Variants in LEKR1 observed in about 807,000 individuals in gnomAD.
The protein encoded by LEKR1 is protein LEKR1.
In LEKR1, 59 loss-of-function variants were observed where a neutral mutation model predicts 72.4. The observed-to-expected ratio is 0.82, with a 90% confidence interval of 0.66 to 1.01. LEKR1 has a LOEUF of 1.01. LEKR1 is among the 50% of genes least tolerant of loss of function. The pLI, the probability that LEKR1 is intolerant of heterozygous loss-of-function variation, is 0.00. For synonymous variants in LEKR1, 257 were observed against 263.2 expected (o/e 0.98, Z 0.23); for missense variants, 728 against 759.2 (o/e 0.96, Z 0.48).
At chr3:156,928,868 A>G (rs1053174563) in intron 5 of LEKR1, among the ~76,000 whole-genome samples, 3 of 152,066 alleles carry the variant, frequency 2.0e-5, no homozygotes, top group Non-Finnish European at 4.4e-5. Context: ...ACAAGAAAAA[A>G]ATAAATACTC....
intron 6 of LEKR1, among the ~76,000 whole-genome samples, chr3:156,955,925 GT>G (rs1191368964): frequency 6.7e-6 from 1 of 148,422 alleles, no homozygotes; most frequent in African/African-American, 2.5e-5. Flanking sequence ...AATAAGGAAT[GT>G]TGGGAAAAGG....
At chr3:156,853,470 T>C (rs1715646862) in intron 3 of LEKR1, 1 of 152,586 alleles carries the variant, frequency 6.6e-6, no homozygotes, top group Non-Finnish European at 1.5e-5. Flanking sequence ...TTGTAGAATC[T>C]AATCAGCAAT....
intron 12 of LEKR1, among the ~76,000 whole-genome samples, chr3:157,043,952 G>T (rs931283745): frequency 1.3e-5 from 2 of 152,180 alleles, no homozygotes; most frequent in Admixed American, 1.3e-4. Flanking sequence ...TGTGCAACTG[G>T]CTAATCTGGA....
intron 3 of LEKR1, among the ~76,000 whole-genome samples, chr3:156,854,728 T>G (rs1182260160): frequency 6.6e-6 from 1 of 151,584 alleles, no homozygotes; most frequent in Non-Finnish European, 1.5e-5. Context: ...TTGTAGTTTT[T>G]TTTTTTCTAG....
chr3:157,028,032 TA>T, intron 11 of LEKR1, 70 bp from the exon 12 acceptor site: 3 of 1,085,188 alleles, frequency 2.8e-6, no homozygotes, highest in Admixed American at 2.4e-5. Flanking sequence ...ATAAACCTCT[TA>T]AAAACCATAA....
chr3:156,857,753 T>A (rs1191474877), intron 3 of LEKR1, among the ~76,000 whole-genome samples: 1 of 152,224 alleles, frequency 6.6e-6, no homozygotes, highest in Non-Finnish European at 1.5e-5. Context: ...GTGAAATAGT[T>A]TATGAAGAGC....
At chr3:156,979,811 A>G (rs1272691711) in intron 7 of LEKR1, 1 of 152,208 alleles carries the variant, frequency 6.6e-6, no homozygotes, top group African/African-American at 2.4e-5. Flanking sequence ...TTAAAAATTA[A>G]TTTTCAGCCT....
At chr3:156,841,924 G>A (rs1395277926) in intron 2 of LEKR1, among the ~76,000 whole-genome samples, 1 of 151,760 alleles carries the variant, frequency 6.6e-6, no homozygotes, top group African/African-American at 2.4e-5. Context: ...CGAGGTGAGT[G>A]GCAAGCCAGT....
Position 156,875,721 on chromosome 3 carries a change from C to T in LEKR1, c.263+22739C>T, listed in dbSNP as rs558627902. On this transcript the variant is annotated intron_variant, in intron 3 of 12. Transcript: ENST00000356539. ...TTGTAAAGGTAAGAAATGAGCCGGG[C>T]GTGGTGGCTCACGCCTGTAATCCCA... Among the ~76,000 whole-genome samples the T allele has an allele frequency of 1.2e-4, 18 of 152,066 alleles. No homozygotes were observed. The South Asian group carries it at 3.1e-3, about 26-fold the overall frequency.
At chr3:156,932,802 A>G (rs4283532) in intron 5 of LEKR1, among the ~76,000 whole-genome samples, 131,341 of 151,318 alleles carry the variant, frequency 0.87, 57,305 homozygotes, top group African/African-American at 0.96. Context: ...AGGCCGCGGC[A>G]GGCGGATCCC....
intron 3 of LEKR1, among the ~76,000 whole-genome samples, chr3:156,918,347 T>C (rs1420409046): frequency 1.3e-5 from 2 of 152,176 alleles, no homozygotes; most frequent in Non-Finnish European, 1.5e-5. Flanking sequence ...CATGTGCAGC[T>C]AAGTATGGCC....
chr3:156,844,219 T>C (rs537351296), intron 2 of LEKR1, among the ~76,000 whole-genome samples: 2 of 152,248 alleles, frequency 1.3e-5, no homozygotes, highest in East Asian at 3.9e-4. Flanking sequence ...CAATAACATG[T>C]CTTTATGGAT....
intron 5 of LEKR1, among the ~76,000 whole-genome samples, chr3:156,930,536 T>C (rs1725125655): frequency 1.3e-5 from 2 of 152,144 alleles, no homozygotes; most frequent in African/African-American, 4.8e-5. Context: ...AAATTAAGTA[T>C]GTATATTATA....
chr3:157,039,253 T>A (rs1028446179), intron 12 of LEKR1, among the ~76,000 whole-genome samples: 2 of 152,204 alleles, frequency 1.3e-5, no homozygotes, highest in Non-Finnish European at 2.9e-5. Flanking sequence ...ATTTTTAACA[T>A]TTTGGTGTTT....
At chr3:156,994,603 T>A (rs1251291547) in intron 9 of LEKR1, among the ~76,000 whole-genome samples, 1 of 152,138 alleles carries the variant, frequency 6.6e-6, no homozygotes, top group African/African-American at 2.4e-5. Flanking sequence ...AGAGCCAGGC[T>A]TATTAATAAA....
At chr3:156,931,911 A>C (rs888883393) in intron 5 of LEKR1, among the ~76,000 whole-genome samples, 2 of 152,180 alleles carry the variant, frequency 1.3e-5, no homozygotes, top group African/African-American at 4.8e-5. Flanking sequence ...TTTTTATTAC[A>C]TAGTGGATGC....
intron 6 of LEKR1, among the ~76,000 whole-genome samples, chr3:156,970,298 A>C (rs535321643): frequency 6.0e-4 from 91 of 152,342 alleles, no homozygotes; most frequent in African/African-American, 2.1e-3. Context: ...AAGGAAATAA[A>C]GGGTATTCAA....
At chr3:156,877,380 C>A (rs1002363808) in intron 3 of LEKR1, among the ~76,000 whole-genome samples, 1 of 151,650 alleles carries the variant, frequency 6.6e-6, no homozygotes, top group Non-Finnish European at 1.5e-5. Flanking sequence ...TTGGAATAGT[C>A]TTAGTAAGAT....
At chr3:156,957,978 A>G (rs1727800179) in intron 6 of LEKR1, among the ~76,000 whole-genome samples, 1 of 152,110 alleles carries the variant, frequency 6.6e-6, no homozygotes, top group East Asian at 1.9e-4. Context: ...CACACCATGG[A>G]TAACACCCAA....
Sources: allele counts gnomAD v4.1 joint callset (sites outside exome capture counted in the v4.1 genomes callset), GRCh38; gene constraint gnomAD v4.1.1; transcripts MANE v1.5; gene names NCBI Gene and HGNC (gene_info 2026-07-23, HGNC 2026-07-21).